The following BAIAP2L2 variants were observed in gnomAD, a reference collection of about 807,000 sequenced individuals.
The protein encoded by BAIAP2L2 is BAR/IMD domain-containing adapter protein 2-like 2.
A neutral mutation model predicts 60.4 loss-of-function variants in BAIAP2L2; 65 were observed. The observed-to-expected ratio is 1.08, with a 90% CI of 0.88 to 1.32. BAIAP2L2 has a LOEUF of 1.32. Among genes scored for constraint, BAIAP2L2 ranks in the 40% most tolerant of loss-of-function variants. The pLI is 0.00. For synonymous variants in BAIAP2L2, 344 were observed against 301.7 expected (o/e 1.14, Z -1.45); for missense variants, 836 against 741.2 (o/e 1.13, Z -1.48).
intron 4 of BAIAP2L2, among the ~76,000 whole-genome samples, chr22:38,106,623 C>T (rs962198037): frequency 6.6e-6 from 1 of 152,134 alleles, no homozygotes; most frequent in African/African-American, 2.4e-5. Context: ...AGGGGCTCCC[C>T]TTCACACATT....
Position 38,107,921 on chromosome 22 carries a change from C to T in BAIAP2L2, c.215-8G>A. 1 of 1,613,240 alleles carries T rather than the reference C, an allele frequency of 6.2e-7. No homozygotes were observed. The highest frequency in any genetic ancestry group is 8.5e-7 in the Non-Finnish European group (1 of 1,179,828). On this transcript the variant is annotated splice_region_variant and splice_polypyrimidine_tract_variant and intron_variant, in intron 3 of 13. Coordinates refer to ENST00000381669, the MANE Select transcript of BAIAP2L2 (RefSeq NM_025045.6). ...TCTGCACCAAGATCTCCCCTGGAGG[C>T]ATGGATGCAGCTGTGGCTTTGGTGT...
At chr22:38,108,841 C>T (rs1239024078) in intron 2 of BAIAP2L2, among the ~76,000 whole-genome samples, 1 of 151,870 alleles carries the variant, frequency 6.6e-6, no homozygotes, top group Non-Finnish European at 1.5e-5. Flanking sequence ...AGGGGCTGCC[C>T]TGGGGCTGTG....
chr22:38,110,454 C>T, intron 1 of BAIAP2L2, 21 bp downstream of exon 1: 1 of 1,610,630 alleles, frequency 6.2e-7, no homozygotes, highest in East Asian at 2.2e-5. Flanking sequence ...TCAGGCCTGG[C>T]TTGGCCACCC....
intron 7 of BAIAP2L2, among the ~76,000 whole-genome samples, chr22:38,095,244 T>A: frequency 6.6e-6 from 1 of 152,140 alleles, no homozygotes; most frequent in East Asian, 1.9e-4. Flanking sequence ...TGAAACTAAG[T>A]CCTAAACTAT....
intron 6 of BAIAP2L2, 31 bp downstream of exon 6, chr22:38,098,032 C>CT: frequency 7.0e-7 from 1 of 1,429,546 alleles, no homozygotes; most frequent in Admixed American, 1.7e-5. Flanking sequence ...CCCGCCCTTC[C>CT]TGGCCCACCC....
At chr22:38,085,653 CCTCA>C (rs770622587) in intron 13 of BAIAP2L2, 29 bp downstream of exon 13, 2 of 1,608,896 alleles carry the variant, frequency 1.2e-6, no homozygotes, top group Admixed American at 1.7e-5. Flanking sequence ...CTGCCACCCT[CCTCA>C]CTGTTTGGGC....
At chr22:38,108,529 C>T (rs752541453) in intron 2 of BAIAP2L2, among the ~76,000 whole-genome samples, 188 bp from the exon 3 acceptor site, 17 of 151,890 alleles carry the variant, frequency 1.1e-4, no homozygotes, top group Non-Finnish European at 2.1e-4. Context: ...GGGCTGGGGG[C>T]AGGGAGGTGG....
At chr22:38,088,128 CGAGGGGG>C (rs890430568) in intron 10 of BAIAP2L2, among the ~76,000 whole-genome samples, 2 of 152,326 alleles carry the variant, frequency 1.3e-5, no homozygotes, top group African/African-American at 4.8e-5. Context: ...CATGAAGCCC[CGAGGGGG>C]CACTGCCTGG....
chr22:38,085,242 G>A lies in BAIAP2L2; in HGVS notation c.*58C>T. 1 of 1,553,006 alleles carries A rather than the reference G, an allele frequency of 6.4e-7. No homozygotes were observed. The highest frequency in any genetic ancestry group is 1.1e-5 in the South Asian group (1 of 88,616). On this transcript the variant is annotated 3_prime_UTR_variant, in exon 14 of 14. Coordinates refer to ENST00000381669, the MANE Select transcript of BAIAP2L2 (RefSeq NM_025045.6). The stretch of plus-strand genomic sequence containing the variant: ...TGCTGTTGCTGCTGTCGCTGCCATT[G>A]CCAGCTCTGAACAGCCCCTGGGCAG...
At chr22:38,109,510 TCTC>T (rs2086747300) in intron 1 of BAIAP2L2, among the ~76,000 whole-genome samples, 1 of 152,078 alleles carries the variant, frequency 6.6e-6, no homozygotes, top group Non-Finnish European at 1.5e-5. Context: ...CCTGGAAGGT[TCTC>T]CTCCTCCCGC....
intron 6 of BAIAP2L2, 35 bp downstream of exon 6, chr22:38,098,028 C>CA: frequency 3.3e-6 from 4 of 1,219,908 alleles, no homozygotes; most frequent in Non-Finnish European, 4.8e-6. Context: ...CCCACCCGCC[C>CA]TTCCTGGCCC....
Position 38,107,903 on chromosome 22 carries a change from C to T in BAIAP2L2, c.225G>A (p.Leu75=). The T allele has an allele frequency of 6.2e-7, 1 of 1,613,512 alleles. No individual in the cohort carries two copies. The highest frequency in any genetic ancestry group is 8.5e-7 in the Non-Finnish European group (1 of 1,179,936). ...SPTSQILGEI[L]VQMSDTQRHL... ...GCCGCTGGGTGTCAGACATCTGCAC[C>T]AAGATCTCCCCTGGAGGCATGGATG... The change falls in exon 4 of 14, where the codon TTG becomes TTA. Residue 75 remains leucine (L), a synonymous_variant. Transcript: ENST00000381669.
intron 4 of BAIAP2L2, among the ~76,000 whole-genome samples, chr22:38,103,940 C>T (rs1353570378): frequency 6.6e-6 from 1 of 151,172 alleles, no homozygotes; most frequent in East Asian, 1.9e-4. Context: ...AATTGCCAAC[C>T]ATTGAAATAG....
At position 38,093,707 on chromosome 22, in the gene BAIAP2L2, CAAAT is replaced by C. The variant is rs369867348; in HGVS notation, c.612+3321_612+3324del. ...ATGGCTATTATCAAAAAGACAGTAACAAATAGTAGCGAGGACGTGAAACAACTGG... is the reference window on the plus strand; with the variant it reads ...ATGGCTATTATCAAAAAGACAGTAACAGTAGCGAGGACGTGAAACAACTGG... On this transcript the variant is annotated intron_variant, in intron 7 of 13. Coordinates refer to ENST00000381669, the MANE Select transcript of BAIAP2L2 (RefSeq NM_025045.6). 1.1e-4 allele frequency among the ~76,000 whole-genome samples: 16 copies of C among 152,262 alleles called. 1 individual carries two copies. Among genetic ancestry groups the C allele is most frequent in the African/African-American group, 3.6e-4 (15 of 41,550 alleles).
Position 38,089,203 on chromosome 22 carries a change from G to A in BAIAP2L2, c.794C>T (p.Ser265Phe), listed in dbSNP as rs1166265177. 2 of 1,241,410 alleles carry A rather than the reference G, an allele frequency of 1.6e-6. No homozygotes were observed. Among genetic ancestry groups the A allele is most frequent in the Non-Finnish European group, 2.0e-6 (2 of 990,914 alleles). 76.9% of individuals were successfully genotyped at this position (1,241,410 alleles called of 1,614,324 possible). A position where few individuals can be genotyped will look rare whatever the true frequency, so the allele number is the denominator to read the frequency against. Residue 265 changes from serine to phenylalanine, a missense_variant, in exon 9 of 14, where the codon TCC (serine) becomes TTC (phenylalanine). Coordinates refer to ENST00000381669, the MANE Select transcript of BAIAP2L2 (RefSeq NM_025045.6). Reference protein sequence around the residue: ...MPPRPLGEFSSPRSRHGSGSY... With the variant: ...MPPRPLGEFSFPRSRHGSGSY... ...GCCGGAGCCGTGCCGGCTGCGGGGG[G>A]AGCTGAACTCTCCCAGGGGCCTCGG...
intron 3 of BAIAP2L2, 41 bp from the exon 4 acceptor site, chr22:38,107,954 C>T (rs1355311023): frequency 2.5e-6 from 4 of 1,593,890 alleles, no homozygotes; most frequent in East Asian, 2.2e-5. Context: ...TGTGTGGCAG[C>T]CTGCCCCGCC....
At chr22:38,102,447 T>C (rs758661003) in intron 4 of BAIAP2L2, among the ~76,000 whole-genome samples, 4 of 152,176 alleles carry the variant, frequency 2.6e-5, no homozygotes, top group Non-Finnish European at 5.9e-5. Flanking sequence ...AGAAGAGCTG[T>C]CTTGACTGTG....
At chr22:38,109,769 CTGGACT>C (rs1265716614) in intron 1 of BAIAP2L2, among the ~76,000 whole-genome samples, 1 of 152,042 alleles carries the variant, frequency 6.6e-6, no homozygotes, top group Non-Finnish European at 1.5e-5. Context: ...GGACTTGGGC[CTGGACT>C]TGGACTTGGG....
rs746730817 is a variant in BAIAP2L2 at position 38,107,867 on chromosome 22, A to T, written c.261T>A (p.Ser87=). 1 of 1,613,360 alleles carries T rather than the reference A, an allele frequency of 6.2e-7. No individual in the cohort carries two copies. Among genetic ancestry groups the T allele is most frequent in the Non-Finnish European group, 8.5e-7 (1 of 1,179,928 alleles). Residue 87 remains serine, a synonymous_variant, in exon 4 of 14, where the codon TCT becomes TCA. Transcript: ENST00000381669. ...QMSDTQRHLN[S]DLEVVVQTFH... ...TGATACTCACCACCACCTCCAGGTC[A>T]GAGTTCAAGTGCCGCTGGGTGTCAG... is the stretch of plus-strand genomic sequence containing the variant.
Sources: allele counts gnomAD v4.1 joint callset (sites outside exome capture counted in the v4.1 genomes callset), GRCh38; gene constraint gnomAD v4.1.1; transcripts MANE v1.5; gene names NCBI Gene and HGNC (gene_info 2026-07-23, HGNC 2026-07-21).